Variants in PCDHGC3 observed in about 807,000 individuals in gnomAD.
PCDHGC3 encodes protocadherin gamma subfamily C, 3, also known as protocadherin gamma-C3.
PCDHGC3 carries 26 observed loss-of-function variants against 59.2 expected under a neutral mutation model. That is an observed-to-expected ratio of 0.44 (90% CI 0.32 to 0.61). The LOEUF (loss-of-function observed/expected upper bound fraction) is 0.61, where lower values mean the gene tolerates loss of function less well. Ranked by LOEUF, PCDHGC3 falls within the 20% of genes least tolerant of loss-of-function variation. The probability of loss-of-function intolerance (pLI) is 0.05; values close to 1 mark genes in which losing one functional copy is unlikely to be tolerated. For synonymous variants in PCDHGC3, 487 were observed against 519.7 expected (o/e 0.94, Z 0.86); for missense variants, 1,080 against 1,221.8 (o/e 0.88, Z 1.73).
rs149649459 is a variant in PCDHGC3, at chr5:141,505,183, G to A, written c.2490-210G>A. ...TCTAAAACAAAAAGAAAAAAGCATC[G>A]GAGGCAGCAAAGAGCTGGTTTGAGG... On this transcript the variant is annotated intron_variant, in intron 2 of 3. Transcript: ENST00000308177. Among the ~76,000 whole-genome samples, 214 of 152,244 alleles carry A rather than the reference G, an allele frequency of 1.4e-3. 1 individual carries two copies. Among genetic ancestry groups the A allele is most frequent in the African/African-American group, 4.8e-3 (200 of 41,530 alleles).
At chr5:141,498,971 G>GGGAGGGAAGGAAGGAAGGAA (rs2099787588) in intron 2 of PCDHGC3, among the ~76,000 whole-genome samples, 11 of 111,048 alleles carry the variant, frequency 9.9e-5, no homozygotes, top group African/African-American at 3.2e-4. Context: ...GAGGGAGGGA[G>GGGAGGGAAGGAAGGAAGGAA]GGAAGGAAGG....
intron 1 of PCDHGC3, 137 bp from the exon 2 acceptor site, chr5:141,494,670 C>T: frequency 6.5e-7 from 1 of 1,529,402 alleles, no homozygotes; most frequent in Non-Finnish European, 8.8e-7. Flanking sequence ...GGAGATGAGT[C>T]CACCCCTGCC....
At chr5:141,505,352 C>CG in intron 2 of PCDHGC3, 41 bp from the exon 3 acceptor site, 1 of 1,613,302 alleles carries the variant, frequency 6.2e-7, no homozygotes, top group East Asian at 2.2e-5. Context: ...TGAGCTGTGC[C>CG]GGCCTGGGAG....
In PCDHGC3 at chr5:141,476,875, C is replaced by T; in HGVS notation, c.759C>T (p.Val253=). Residue 253 remains valine (V), a synonymous_variant, in exon 1 of 4, where the codon GTC becomes GTT. Coordinates refer to ENST00000308177, the MANE Select transcript of PCDHGC3 (RefSeq NM_002588.4). The surrounding 1 kb of genome is among the most constrained non-coding windows in gnomAD (Gnocchi z 7.6). ...VFNQSLYRAR[V]LEDAPSGTRV... ...ACCAGTCCTTGTACCGGGCGCGCGT[C>T]CTGGAGGATGCACCCTCCGGCACGC... 2 of 1,613,928 alleles carry T rather than the reference C, an allele frequency of 1.2e-6. No homozygotes were observed. Among genetic ancestry groups the T allele is most frequent in the Non-Finnish European group, 1.7e-6 (2 of 1,180,044 alleles).
In PCDHGC3 at chr5:141,491,652, G is replaced by A. The variant is rs370043428; in HGVS notation, c.2431-3155G>A. ...AGCAGCCCACAGCTCTGGCGCTGGAGCCTGACGCCATCCGGTCCCGCTCTA... is the reference window on the plus strand; with the variant it reads ...AGCAGCCCACAGCTCTGGCGCTGGAACCTGACGCCATCCGGTCCCGCTCTA... On this transcript the variant is annotated intron_variant, in intron 1 of 3. Transcript: ENST00000308177. This position sits in a 1 kb window ranked among gnomAD's most constrained non-coding sequence, Gnocchi z 6.9. 2 of 1,613,726 alleles carry A rather than the reference G, an allele frequency of 1.2e-6. No homozygotes were observed. Among genetic ancestry groups the A allele is most frequent in the African/African-American group, 1.3e-5 (1 of 74,944 alleles).
rs777925358 is a variant in PCDHGC3 at position 141,477,657 on chromosome 5, G to T, written c.1541G>T (p.Arg514Leu). ...GLVGRYFTIN[R>L]DNGIVSSLVP... ...GTGGGTCGCTATTTCACAATAAATC[G>T]TGACAATGGCATAGTGTCATCCTTA... The change falls in exon 1 of 4, where the codon CGT becomes CTT. Residue 514 changes from arginine to leucine, a missense_variant. Physicochemically the swap from Arg to Leu is moderately radical, Grantham distance 102. Transcript: ENST00000308177. This position sits in a 1 kb window ranked among gnomAD's most constrained non-coding sequence, Gnocchi z 4.9. 6.8e-6 allele frequency: 11 copies of T among 1,614,072 alleles called. No individual in the cohort carries two copies. Among genetic ancestry groups the T allele is most frequent in the South Asian group, 2.2e-5 (2 of 91,090 alleles).
chr5:141,476,803 T>G lies in PCDHGC3; in HGVS notation c.687T>G (p.Pro229=), dbSNP rs756358461. 3 of 1,613,688 alleles carry G rather than the reference T, an allele frequency of 1.9e-6. No individual in the cohort carries two copies. The highest frequency in any genetic ancestry group is 2.2e-5 in the South Asian group (2 of 91,092). ...CCCCAGCTCTCTCCGCCAGCCTGCCTATTCACATCAAGGTGCTGGACGCGA... is the reference window on the plus strand; with the variant it reads ...CCCCAGCTCTCTCCGCCAGCCTGCCGATTCACATCAAGGTGCTGGACGCGA... The part of the protein sequence containing the change: ...GGTPALSASL[P]IHIKVLDAND... The change falls in exon 1 of 4, where the codon CCT becomes CCG. Residue 229 remains proline, a synonymous_variant. Transcript: ENST00000308177. The surrounding 1 kb of genome is among the most constrained non-coding windows in gnomAD (Gnocchi z 7.6).
chr5:141,484,757 T>C (rs2099600412), intron 1 of PCDHGC3, among the ~76,000 whole-genome samples: 1 of 151,626 alleles, frequency 6.6e-6, no homozygotes, highest in East Asian at 1.9e-4. Flanking sequence ...AATGTATATA[T>C]ATATATATGT....
Position 141,491,364 on chromosome 5 carries a change from C to T in PCDHGC3, c.2431-3443C>T. 1 of 1,614,164 alleles carries T rather than the reference C, an allele frequency of 6.2e-7. No homozygotes were observed. The highest frequency in any genetic ancestry group is 8.5e-7 in the Non-Finnish European group (1 of 1,180,000). On this transcript the variant is annotated intron_variant, in intron 1 of 3. Coordinates refer to ENST00000308177, the MANE Select transcript of PCDHGC3 (RefSeq NM_002588.4). This position sits in a 1 kb window ranked among gnomAD's most constrained non-coding sequence, Gnocchi z 6.9. The stretch of plus-strand genomic sequence containing the variant: ...CCGTCAGTCTCTTATCCCTAGTCAC[C>T]TTCACCTTTCTGTCAGCGAAGTGCC...
chr5:141,477,573 C>T lies in PCDHGC3; in HGVS notation c.1457C>T (p.Ala486Val), dbSNP rs1593790046. The T allele has an allele frequency of 6.2e-7, 1 of 1,614,056 alleles. No individual in the cohort carries two copies. Among genetic ancestry groups the T allele is most frequent in the South Asian group, 1.1e-5 (1 of 91,086 alleles). ...AACCTAAGTGTCTGGGACCCCGACGCCCCGCAGAATGCTCGGCTTTCTTTC... is the reference window on the plus strand; with the variant it reads ...AACCTAAGTGTCTGGGACCCCGACGTCCCGCAGAATGCTCGGCTTTCTTTC... ...ILNLSVWDPD[A>V]PQNARLSFFL... Residue 486 changes from alanine to valine, a missense_variant, in exon 1 of 4, where the codon GCC becomes GTC. By Grantham distance (64) the Ala-to-Val change is moderately conservative. Coordinates refer to ENST00000308177, the MANE Select transcript of PCDHGC3 (RefSeq NM_002588.4). This position sits in a 1 kb window ranked among gnomAD's most constrained non-coding sequence, Gnocchi z 4.9.
chr5:141,509,115 G>C (rs1480955058), intron 3 of PCDHGC3, among the ~76,000 whole-genome samples: 1 of 152,186 alleles, frequency 6.6e-6, no homozygotes, highest in Non-Finnish European at 1.5e-5. Flanking sequence ...GAGCGCTGGT[G>C]CGTGAAGAGA....
chr5:141,495,465 G>A (rs563411010), intron 2 of PCDHGC3, among the ~76,000 whole-genome samples: 3 of 152,182 alleles, frequency 2.0e-5, no homozygotes, highest in Non-Finnish European at 2.9e-5. Context: ...TGTCTGTGGG[G>A]TCTCCGTGTC....
Position 141,490,481 on chromosome 5 carries a change from G to A in PCDHGC3, c.2431-4326G>A, listed in dbSNP as rs771164683. 8.7e-6 allele frequency: 14 copies of A among 1,614,060 alleles called. No homozygotes were observed. The highest frequency in any genetic ancestry group is 4.0e-5 in the African/African-American group (3 of 74,928). ...CTGCTAACCAGCCAGCCTTTGGACCGGGAGGCCACATCCCACTATATCATC... is the reference window on the plus strand; with the variant it reads ...CTGCTAACCAGCCAGCCTTTGGACCAGGAGGCCACATCCCACTATATCATC... On this transcript the variant is annotated intron_variant, in intron 1 of 3. Transcript: ENST00000308177. The surrounding 1 kb of genome is among the most constrained non-coding windows in gnomAD (Gnocchi z 5.4).
rs142995927 is a variant in PCDHGC3, at chr5:141,489,933, C to T, written c.2431-4874C>T. 38 of 1,614,064 alleles carry T rather than the reference C, an allele frequency of 2.4e-5. No homozygotes were observed. The highest frequency in any genetic ancestry group is 1.8e-4 in the South Asian group (16 of 91,084). On this transcript the variant is annotated intron_variant, in intron 1 of 3. Transcript: ENST00000308177. This position sits in a 1 kb window ranked among gnomAD's most constrained non-coding sequence, Gnocchi z 4.5. ...CAGGGACCACCCTTATCTCTGTCAT[C>T]GTGCTGGACATCAATGATAATGCTC...
Position 141,511,225 on chromosome 5 carries a change from C to T in PCDHGC3, c.*52C>T, listed in dbSNP as rs2099883678. On this transcript the variant is annotated 3_prime_UTR_variant, in exon 4 of 4. Transcript: ENST00000308177. Reference sequence around the variant, plus strand: ...GGCGGCCTCTCCCCAACCAGCCCAGCTTCTCCTTACCTGCACCCAGGCCTC... The same window carrying T: ...GGCGGCCTCTCCCCAACCAGCCCAGTTTCTCCTTACCTGCACCCAGGCCTC... 1.9e-6 allele frequency: 3 copies of T among 1,601,506 alleles called. No individual in the cohort carries two copies. Among genetic ancestry groups the T allele is most frequent in the Non-Finnish European group, 2.6e-6 (3 of 1,174,170 alleles).
chr5:141,478,857 C>A, intron 1 of PCDHGC3: 1 of 1,353,600 alleles, frequency 7.4e-7, no homozygotes, highest in Non-Finnish European at 9.8e-7. Context: ...AACACAAGAT[C>A]TCAGCGATCA....
Position 141,491,454 on chromosome 5 carries a change from C to T in PCDHGC3, c.2431-3353C>T. The T allele has an allele frequency of 1.9e-6, 3 of 1,614,120 alleles. No individual in the cohort carries two copies. The highest frequency in any genetic ancestry group is 2.5e-6 in the Non-Finnish European group (3 of 1,180,032). On this transcript the variant is annotated intron_variant, in intron 1 of 3. Coordinates refer to ENST00000308177, the MANE Select transcript of PCDHGC3 (RefSeq NM_002588.4). This position sits in a 1 kb window ranked among gnomAD's most constrained non-coding sequence, Gnocchi z 6.9. ...GCTGCAGGCGCCAGGACTCACCCTCCCCGGACTTCTATAAGCAGTCCAGCC... is the reference window on the plus strand; with the variant it reads ...GCTGCAGGCGCCAGGACTCACCCTCTCCGGACTTCTATAAGCAGTCCAGCC...
Position 141,490,447 on chromosome 5 carries a change from C to A in PCDHGC3, c.2431-4360C>A, listed in dbSNP as rs1273424450. 1.2e-6 allele frequency: 2 copies of A among 1,614,196 alleles called. No homozygotes were observed. The highest frequency in any genetic ancestry group is 1.7e-5 in the Admixed American group (1 of 60,030). Reference sequence around the variant, plus strand: ...ATTTCAGATTAAGCCTTCTGAGAACCACTACTCGCTGCTAACCAGCCAGCC... The same window carrying A: ...ATTTCAGATTAAGCCTTCTGAGAACAACTACTCGCTGCTAACCAGCCAGCC... On this transcript the variant is annotated intron_variant, in intron 1 of 3. Coordinates refer to ENST00000308177, the MANE Select transcript of PCDHGC3 (RefSeq NM_002588.4). This position sits in a 1 kb window ranked among gnomAD's most constrained non-coding sequence, Gnocchi z 5.4.
Position 141,505,473 on chromosome 5 carries a change from C to T in PCDHGC3, c.2570C>T (p.Ser857Phe). The change falls in exon 3 of 4, where the codon TCC (serine) becomes TTC (phenylalanine). Residue 857 changes from serine to phenylalanine, a missense_variant. Transcript: ENST00000308177. Reference sequence around the variant, plus strand: ...ATGCTGCAAGCCATGATCTTGGCGTCCGCCAGTGGTAAGTGGTGTCAGTGT... The same window carrying T: ...ATGCTGCAAGCCATGATCTTGGCGTTCGCCAGTGGTAAGTGGTGTCAGTGT... ...TEMLQAMILA[S>F]ASEAADGSST... is the part of the protein sequence containing the mutation. The T allele has an allele frequency of 6.2e-7, 1 of 1,614,188 alleles. No homozygotes were observed. Among genetic ancestry groups the T allele is most frequent in the Non-Finnish European group, 8.5e-7 (1 of 1,180,014 alleles).
Sources: allele counts gnomAD v4.1 joint callset (sites outside exome capture counted in the v4.1 genomes callset), GRCh38; gene constraint gnomAD v4.1.1; non-coding constraint Gnocchi (gnomAD v3.1); transcripts MANE v1.5; gene names NCBI Gene and HGNC (gene_info 2026-07-23, HGNC 2026-07-21).